Variants in CEP192 observed in about 807,000 individuals in gnomAD.
CEP192 encodes the protein centrosomal protein of 192 kDa.
CEP192 carries 151 observed loss-of-function variants against 271.8 expected under a neutral mutation model. That is an observed-to-expected ratio of 0.56 (90% CI 0.49 to 0.64). The LOEUF (loss-of-function observed/expected upper bound fraction) is 0.64, where lower values mean the gene tolerates loss of function less well. Ranked by LOEUF, CEP192 falls within the 30% of genes least tolerant of loss-of-function variation. The pLI is 0.00. For missense variants in CEP192, 2,910 were observed against 3,020.5 expected, an observed-to-expected ratio of 0.96 and a Z score of 0.86; for synonymous variants, 995 against 1,076.5, an observed-to-expected ratio of 0.92 and a Z score of 1.48.
chr18:12,997,063 G>A (rs1288873517), intron 1 of CEP192, among the ~76,000 whole-genome samples: 8 of 152,118 alleles, frequency 5.3e-5, no homozygotes, highest in Non-Finnish European at 1.0e-4. Context: ...CATGCCCAGC[G>A]TGGGAGGGCT....
chr18:13,069,730 A>G lies in CEP192; in HGVS notation c.5056-8A>G. The G allele has an allele frequency of 6.8e-7, 1 of 1,461,498 alleles. No individual in the cohort carries two copies. Among genetic ancestry groups the G allele is most frequent in the Non-Finnish European group, 9.5e-7 (1 of 1,048,224 alleles). 90.5% of individuals were successfully genotyped at this position (1,461,498 alleles called of 1,614,324 possible). A position where few individuals can be genotyped will look rare whatever the true frequency, so the allele number is the denominator to read the frequency against. The stretch of plus-strand genomic sequence containing the variant: ...GGCATTCAATTATGATTATGTAACT[A>G]TATTTAGGTCCCAGAACAAGGAAGT... On this transcript the variant is annotated splice_polypyrimidine_tract_variant and splice_region_variant and intron_variant, in intron 26 of 44. Transcript: ENST00000506447.
At chr18:13,094,835 C>T (rs1288796181) in intron 34 of CEP192, among the ~76,000 whole-genome samples, 1 of 152,318 alleles carries the variant, frequency 6.6e-6, no homozygotes, top group South Asian at 2.1e-4. Context: ...CAGTGCCTTT[C>T]CACATTTATA....
chr18:13,010,898 C>G (rs1210455650), intron 4 of CEP192, among the ~76,000 whole-genome samples: 1 of 151,626 alleles, frequency 6.6e-6, no homozygotes, highest in Non-Finnish European at 1.5e-5. Flanking sequence ...TGAAAATATA[C>G]CCAGTATCAT....
intron 15 of CEP192, among the ~76,000 whole-genome samples, chr18:13,046,008 T>C (rs2036455221): frequency 6.6e-6 from 1 of 152,218 alleles, no homozygotes; most frequent in African/African-American, 2.4e-5. Flanking sequence ...TTAGCCTGTT[T>C]CTTGCATTGC....
At position 13,119,161 on chromosome 18, in the gene CEP192, T is replaced by A. The variant is rs558552010; in HGVS notation, c.7475+1518T>A. Among the ~76,000 whole-genome samples the A allele has an allele frequency of 2.2e-4, 33 of 152,354 alleles. No individual in the cohort carries two copies. The South Asian group carries it at 6.8e-3, about 32-fold the overall frequency. On this transcript the variant is annotated intron_variant, in intron 44 of 44. Coordinates refer to ENST00000506447, the MANE Select transcript of CEP192 (RefSeq NM_032142.4). ...AATTAGTTTATTCAGAAAAAGATCA[T>A]TTAAATTTCTAATTGTTGTAACTGT...
chr18:13,039,206 G>GC (rs566923826), intron 13 of CEP192, among the ~76,000 whole-genome samples: 127 of 152,264 alleles, frequency 8.3e-4, no homozygotes, highest in African/African-American at 3.0e-3. Context: ...TGTAATCCCA[G>GC]CACTTTGGGA....
intron 21 of CEP192, among the ~76,000 whole-genome samples, chr18:13,062,585 TC>T (rs2144269584): frequency 6.6e-6 from 1 of 152,130 alleles, no homozygotes; most frequent in East Asian, 1.9e-4. Flanking sequence ...TTAAAATTTT[TC>T]TTTTATTTAA....
intron 30 of CEP192, among the ~76,000 whole-genome samples, chr18:13,076,619 T>C (rs937479214): frequency 2.6e-5 from 4 of 152,228 alleles, no homozygotes; most frequent in Non-Finnish European, 4.4e-5. Flanking sequence ...AAAGGTACCT[T>C]TTCCCTTGTT....
intron 9 of CEP192, among the ~76,000 whole-genome samples, chr18:13,021,904 T>G (rs1037186085): frequency 1.3e-5 from 2 of 152,228 alleles, no homozygotes; most frequent in Non-Finnish European, 2.9e-5. Flanking sequence ...CATTTTGGAT[T>G]GTTTATTGCT....
intron 38 of CEP192, among the ~76,000 whole-genome samples, chr18:13,101,756 C>G (rs1021920757): frequency 1.3e-5 from 2 of 152,176 alleles, no homozygotes; most frequent in African/African-American, 2.4e-5. Flanking sequence ...TGTCGCCCAT[C>G]TCTTCAGCTC....
chr18:13,030,634 A>G (rs769559039), intron 11 of CEP192, 26 bp downstream of exon 11: 13 of 1,548,044 alleles, frequency 8.4e-6, no homozygotes, highest in South Asian at 8.0e-5. Context: ...AACATTTATT[A>G]TAACATTTTC....
chr18:13,070,238 G>A (rs1468292124), intron 27 of CEP192, among the ~76,000 whole-genome samples: 1 of 152,042 alleles, frequency 6.6e-6, no homozygotes, highest in Non-Finnish European at 1.5e-5. Context: ...TCCACAGCCT[G>A]AATGACAAAG....
At chr18:13,050,643 G>C (rs764486496) in intron 17 of CEP192, among the ~76,000 whole-genome samples, 1 of 150,452 alleles carries the variant, frequency 6.6e-6, no homozygotes, top group South Asian at 2.1e-4. Context: ...GCAGTGGTGT[G>C]ATCTTGGCTC....
intron 34 of CEP192, 86 bp downstream of exon 34, chr18:13,092,613 AT>A: frequency 1.1e-6 from 1 of 911,584 alleles, no homozygotes; most frequent in South Asian, 1.7e-5. Context: ...GTACTTCACT[AT>A]TATTATTATT....
chr18:13,047,726 A>G (rs562382808), intron 15 of CEP192, among the ~76,000 whole-genome samples: 2 of 152,186 alleles, frequency 1.3e-5, no homozygotes, highest in Non-Finnish European at 2.9e-5. Flanking sequence ...TAAATAGTTT[A>G]TGTTTCTTAA....
intron 38 of CEP192, among the ~76,000 whole-genome samples, chr18:13,101,898 C>G (rs1163419500): frequency 6.6e-6 from 1 of 152,112 alleles, no homozygotes; most frequent in East Asian, 1.9e-4. Flanking sequence ...CTGAGTCTGT[C>G]CTTATAGTTG....
At chr18:13,114,493 G>A (rs2040346058) in intron 42 of CEP192, among the ~76,000 whole-genome samples, 1 of 152,038 alleles carries the variant, frequency 6.6e-6, no homozygotes, top group Non-Finnish European at 1.5e-5. Flanking sequence ...ACATATGTAT[G>A]TATATATTCT....
Position 13,056,342 on chromosome 18 carries a change from T to C in CEP192, c.3752T>C (p.Leu1251Ser), listed in dbSNP as rs146600937. The part of the protein sequence containing the change: ...QNMPAAVHAL[L>S]TQPSLSAAPF... ...ATGCCTGCTGCTGTGCACGCACTCT[T>C]GACACAACCCTCTCTCAGCGCTGCT... The change falls in exon 19 of 45, where the codon TTG becomes TCG. Residue 1251 changes from leucine to serine, a missense_variant. Coordinates refer to ENST00000506447, the MANE Select transcript of CEP192 (RefSeq NM_032142.4). 7 of 1,614,096 alleles carry C rather than the reference T, an allele frequency of 4.3e-6. No individual in the cohort carries two copies. In the African/African-American group the frequency reaches 8.0e-5, roughly 18 times the overall value.
intron 7 of CEP192, among the ~76,000 whole-genome samples, chr18:13,018,185 T>C (rs2143142398): frequency 6.6e-6 from 1 of 152,328 alleles, no homozygotes; most frequent in Admixed American, 6.5e-5. Flanking sequence ...GCTAAGGTGA[T>C]GTCAGCTGGA....
Sources: allele counts gnomAD v4.1 joint callset (sites outside exome capture counted in the v4.1 genomes callset), GRCh38; gene constraint gnomAD v4.1.1; transcripts MANE v1.5; gene names NCBI Gene and HGNC (gene_info 2026-07-23, HGNC 2026-07-21).